The following MECR variants were observed in gnomAD, a reference collection of about 807,000 sequenced individuals.
The protein encoded by MECR is enoyl-[acyl-carrier-protein] reductase, mitochondrial.
A neutral mutation model predicts 49.1 loss-of-function variants in MECR; 37 were observed. The ratio of observed to expected loss-of-function variants is 0.75; its 90% CI spans 0.58 to 0.99. The LOEUF is 0.99. Among genes scored for constraint, MECR ranks in the 50% least tolerant of loss-of-function variants. The probability of loss-of-function intolerance (pLI) is 0.00; values close to 1 mark genes in which losing one functional copy is unlikely to be tolerated. For synonymous variants in MECR, 198 were observed against 191.1 expected (o/e 1.04, Z -0.30); for missense variants, 470 against 479.6 (o/e 0.98, Z 0.19).
Position 29,206,747 on chromosome 1 carries a change from C to T in MECR, c.550+15G>A. On this transcript the variant is annotated intron_variant, in intron 4 of 9. Coordinates refer to ENST00000263702, the MANE Select transcript of MECR (RefSeq NM_016011.5). ...GCGAGACCCTGGCCTGCTCCCCCAACCTGTGGGTTCCTACCTGGCTGCAGT... is the reference window on the plus strand; with the variant it reads ...GCGAGACCCTGGCCTGCTCCCCCAATCTGTGGGTTCCTACCTGGCTGCAGT... The T allele has an allele frequency of 6.2e-7, 1 of 1,613,750 alleles. No homozygotes were observed. Among genetic ancestry groups the T allele is most frequent in the South Asian group, 1.1e-5 (1 of 91,048 alleles).
At chr1:29,207,258 T>C (rs1455497380) in intron 3 of MECR, among the ~76,000 whole-genome samples, 1 of 152,100 alleles carries the variant, frequency 6.6e-6, no homozygotes, top group African/African-American at 2.4e-5. Flanking sequence ...TAGCTGGGAT[T>C]ACAGGCATGC....
At chr1:29,184,176 CTTTT>C in the MECR span, among the ~76,000 whole-genome samples, 1 of 109,990 alleles carries the variant, frequency 9.1e-6, no homozygotes, top group Non-Finnish European at 1.9e-5. Context: ...CTGTACCCGG[CTTTT>C]TTTTTTTTTT....
Position 29,199,463 on chromosome 1 carries a change from G to T in MECR, c.830+1053C>A, listed in dbSNP as rs542475554. The stretch of plus-strand genomic sequence containing the variant: ...AGGATGGTCTCGATCTCCTGATCTC[G>T]TGATCTGCCCGCCTCAGCCTCCCAA... On this transcript the variant is annotated intron_variant, in intron 7 of 9. Transcript: ENST00000263702. Among the ~76,000 whole-genome samples the T allele has an allele frequency of 2.0e-4, 30 of 151,998 alleles. No individual in the cohort carries two copies. In the East Asian group the frequency reaches 5.5e-3, roughly 28 times the overall value.
intron 1 of MECR, among the ~76,000 whole-genome samples, chr1:29,226,386 G>A (rs1306649823): frequency 2.0e-5 from 3 of 151,990 alleles, no homozygotes; most frequent in Non-Finnish European, 4.4e-5. Flanking sequence ...TTTCTACAGC[G>A]TAGAAATTTG....
rs1683275374 is a variant in MECR, at chr1:29,230,897, A to G, written c.10T>C (p.Cys4Arg). ...GTTCGCACCCGCCACAGGGTACTGC[A>G]GACCCACATGCTCGCTCCAACCAAC... is the stretch of plus-strand genomic sequence containing the variant. Reference protein sequence around the residue: MWVCSTLWRVRTPA... With the variant: MWVRSTLWRVRTPA... The change falls in exon 1 of 10, where the codon TGC becomes CGC. Residue 4 changes from cysteine (C) to arginine (R), a missense_variant. Transcript: ENST00000263702. The G allele has an allele frequency of 8.7e-6, 14 of 1,604,882 alleles. No homozygotes were observed. The highest frequency in any genetic ancestry group is 1.1e-5 in the Non-Finnish European group (13 of 1,178,356).
chr1:29,206,674 T>C, intron 4 of MECR, 88 bp downstream of exon 4: 1 of 1,497,912 alleles, frequency 6.7e-7, no homozygotes, highest in Non-Finnish European at 9.1e-7. Flanking sequence ...ACCTCCACCT[T>C]GCAAGTTCTC....
At chr1:29,197,741 C>T (rs1392800880) in intron 7 of MECR, among the ~76,000 whole-genome samples, 1 of 152,170 alleles carries the variant, frequency 6.6e-6, no homozygotes, top group Non-Finnish European at 1.5e-5. Flanking sequence ...GGAGCCAAGC[C>T]CTCTCTCTTC....
At chr1:29,198,015 T>C (rs1418597398) in intron 7 of MECR, among the ~76,000 whole-genome samples, 1 of 151,880 alleles carries the variant, frequency 6.6e-6, no homozygotes, top group Non-Finnish European at 1.5e-5. Flanking sequence ...TGGACTGGAG[T>C]GGGGGAGATG....
the MECR span, among the ~76,000 whole-genome samples, chr1:29,175,994 T>C: frequency 6.6e-6 from 1 of 152,146 alleles, no homozygotes; most frequent in Admixed American, 6.6e-5. Context: ...GGCTCACACC[T>C]GTAATCCCAG....
rs945787140 is a variant in MECR, at chr1:29,193,877, G to A, written c.*145C>T. On this transcript the variant is annotated 3_prime_UTR_variant, in exon 10 of 10. Coordinates refer to ENST00000263702, the MANE Select transcript of MECR (RefSeq NM_016011.5). The stretch of plus-strand genomic sequence containing the variant: ...CTTAAGGCTGGCCCTGGGGAAAACC[G>A]TGGCTGGCTTCACCATCCTCCTAAT... 12 of 965,372 alleles carry A rather than the reference G, an allele frequency of 1.2e-5. No individual in the cohort carries two copies. The highest frequency in any genetic ancestry group is 2.5e-5 in the East Asian group (1 of 40,782). The allele number at this position is 965,372 out of a possible 1,614,324, so 59.8% of individuals were successfully genotyped here.
chr1:29,195,722 C>T (rs1003974032), intron 9 of MECR, among the ~76,000 whole-genome samples: 3 of 152,186 alleles, frequency 2.0e-5, no homozygotes, highest in Admixed American at 6.5e-5. Context: ...CTCTTCAGGA[C>T]GGGGGCAGTG....
chr1:29,201,639 G>A lies in MECR; in HGVS notation c.756+304C>T, dbSNP rs1675340944. ...CTCTTTCTGTGTCTCTGTTTCCTCA[G>A]GTCCTCTCCTGCCAGTTCTAAGAGT... On this transcript the variant is annotated intron_variant, in intron 6 of 9. Coordinates refer to ENST00000263702, the MANE Select transcript of MECR (RefSeq NM_016011.5). This position sits in a 1 kb window ranked among gnomAD's most constrained non-coding sequence, Gnocchi z 4.3. The A allele has an allele frequency of 3.9e-6, 2 of 510,792 alleles. No individual in the cohort carries two copies. Among genetic ancestry groups the A allele is most frequent in the Non-Finnish European group, 7.2e-6 (2 of 278,266 alleles). 31.6% of individuals were successfully genotyped at this position (510,792 alleles called of 1,614,324 possible). A position where few individuals can be genotyped will look rare whatever the true frequency, so the allele number is the denominator to read the frequency against.
At chr1:29,223,325 G>A in intron 1 of MECR, 1 of 980,748 alleles carries the variant, frequency 1.0e-6, no homozygotes, top group Non-Finnish European at 1.2e-6. Flanking sequence ...TTTGAGAGGG[G>A]GGAAAAGAGG....
chr1:29,204,843 C>T (rs951460056), intron 4 of MECR, among the ~76,000 whole-genome samples: 4 of 152,248 alleles, frequency 2.6e-5, no homozygotes, highest in Non-Finnish European at 5.9e-5. Context: ...CACTGGCTTT[C>T]TCCACCAAAG....
At chr1:29,212,970 C>A (rs983031653) in intron 3 of MECR, among the ~76,000 whole-genome samples, 1 of 152,316 alleles carries the variant, frequency 6.6e-6, no homozygotes, top group East Asian at 1.9e-4. Context: ...GCCTGGGAAG[C>A]CCCTCCTCAC....
chr1:29,225,659 A>G (rs1681860795), intron 1 of MECR, among the ~76,000 whole-genome samples: 1 of 152,170 alleles, frequency 6.6e-6, no homozygotes. Context: ...CACTCCATTC[A>G]TGACCACAAT....
chr1:29,196,853 A>T (rs111934143), intron 7 of MECR, among the ~76,000 whole-genome samples: 69 of 150,950 alleles, frequency 4.6e-4, no homozygotes, highest in African/African-American at 1.4e-3. Context: ...ATAATAATAA[A>T]AAAAAATTAG....
chr1:29,209,460 T>A (rs539921602), intron 3 of MECR, among the ~76,000 whole-genome samples: 1 of 152,208 alleles, frequency 6.6e-6, no homozygotes, highest in South Asian at 2.1e-4. Flanking sequence ...AAGATCACTT[T>A]ATTGCTGGGT....
intron 3 of MECR, among the ~76,000 whole-genome samples, chr1:29,214,485 C>T (rs1433971523): frequency 6.6e-6 from 1 of 151,812 alleles, no homozygotes; most frequent in Non-Finnish European, 1.5e-5. Context: ...CCTTAGTCTC[C>T]CGGGTAGCTG....
Sources: gnomAD v4.1 joint callset for allele counts (sites outside exome capture counted in the v4.1 genomes callset) on GRCh38, gnomAD v4.1.1 for gene constraint, Gnocchi (gnomAD v3.1) non-coding constraint, MANE v1.5 for transcripts, NCBI Gene and HGNC (gene_info 2026-07-23, HGNC 2026-07-21) for gene names.